XKR9: variants seen among roughly 807,000 people sequenced by gnomAD.
XKR9 encodes XK related 9, also known as XK-related protein 9.
A neutral mutation model predicts 32.0 loss-of-function variants in XKR9; 32 were observed. That is an observed-to-expected ratio of 1.00 (90% confidence interval 0.76 to 1.34). The LOEUF (loss-of-function observed/expected upper bound fraction) is 1.34. Ranked by LOEUF, XKR9 falls within the 40% of genes most tolerant of loss-of-function variation. XKR9 has a pLI of 0.00. For missense variants in XKR9, 546 were observed against 429.7 expected, an observed-to-expected ratio of 1.27 and a Z score of -2.39; for synonymous variants, 168 against 143.4, an observed-to-expected ratio of 1.17 and a Z score of -1.22.
the XKR9 span, among the ~76,000 whole-genome samples, chr8:70,925,914 A>G: frequency 7.9e-5 from 12 of 152,350 alleles, no homozygotes; most frequent in African/African-American, 2.9e-4. Context: ...GATTGGAGGC[A>G]CTAATTTCAG....
At chr8:71,031,251 A>T in the XKR9 span, among the ~76,000 whole-genome samples, 1 of 152,162 alleles carries the variant, frequency 6.6e-6, no homozygotes, top group Non-Finnish European at 1.5e-5. Flanking sequence ...TTTATAATGG[A>T]TTTTTATAAT....
chr8:70,904,585 C>A, the XKR9 span, among the ~76,000 whole-genome samples: 3 of 152,116 alleles, frequency 2.0e-5, no homozygotes, highest in African/African-American at 7.2e-5. Flanking sequence ...ATTTGCCAGT[C>A]TGTGTTTTTT....
the XKR9 span, among the ~76,000 whole-genome samples, chr8:70,867,198 G>A: frequency 1.3e-5 from 2 of 152,128 alleles, no homozygotes; most frequent in Non-Finnish European, 2.9e-5. Flanking sequence ...ACTTGTGCAG[G>A]CAAACTCTGC....
chr8:70,918,807 T>TCCAC, the XKR9 span, among the ~76,000 whole-genome samples: 5 of 120,546 alleles, frequency 4.1e-5, no homozygotes, highest in Admixed American at 4.5e-4. Context: ...AGATGGAGTC[T>TCCAC]TGCTCTGTCG....
At chr8:70,757,774 A>G (rs1807249193) in intron 2 of XKR9, among the ~76,000 whole-genome samples, 1 of 152,002 alleles carries the variant, frequency 6.6e-6, no homozygotes, top group Admixed American at 6.6e-5. Context: ...TTTAGTAGAG[A>G]CAGGATTTCG....
At chr8:70,807,900 G>A in the XKR9 span, among the ~76,000 whole-genome samples, 1 of 152,068 alleles carries the variant, frequency 6.6e-6, no homozygotes, top group Admixed American at 6.6e-5. Flanking sequence ...ACTCAGCTCT[G>A]GATCAAGTGG....
the XKR9 span, among the ~76,000 whole-genome samples, chr8:70,836,936 C>A: frequency 6.6e-6 from 1 of 151,972 alleles, no homozygotes; most frequent in Non-Finnish European, 1.5e-5. Context: ...ACATTGTATA[C>A]ATTATTTTGT....
chr8:70,923,671 C>G, the XKR9 span, among the ~76,000 whole-genome samples: 13 of 152,200 alleles, frequency 8.5e-5, no homozygotes, highest in Non-Finnish European at 1.6e-4. Context: ...TGACATACTT[C>G]CCATCATGTG....
the XKR9 span, among the ~76,000 whole-genome samples, chr8:70,982,937 A>G: frequency 6.6e-6 from 1 of 152,288 alleles, no homozygotes; most frequent in Middle Eastern, 3.4e-3. Context: ...CTATGTGTCA[A>G]TATAATTCTG....
the XKR9 span, among the ~76,000 whole-genome samples, chr8:70,816,793 T>C: frequency 6.6e-6 from 1 of 152,132 alleles, no homozygotes; most frequent in East Asian, 1.9e-4. Context: ...TAGGCTTCAT[T>C]CCTGGGATGC....
rs904161785 is a variant in XKR9 at position 70,759,782 on chromosome 8, C to T, written n.353-29557C>T. ...ATTTATGAACCCATAACTGGGGTTC[C>T]AATAAACATTTGTCAAAATAATGTA... On this transcript the variant is annotated intron_variant and non_coding_transcript_variant, in intron 2 of 3. Coordinates refer to the XKR9 transcript ENST00000520273. 2.0e-5 allele frequency among the ~76,000 whole-genome samples: 3 copies of T among 152,164 alleles called. No individual in the cohort carries two copies. In the East Asian group the frequency reaches 5.8e-4, roughly 29 times the overall value.
chr8:70,871,212 A>T, the XKR9 span, among the ~76,000 whole-genome samples: 1 of 152,220 alleles, frequency 6.6e-6, no homozygotes, highest in Admixed American at 6.6e-5. Flanking sequence ...TTCAATCAAT[A>T]TTATTAAATT....
chr8:70,960,996 C>A, the XKR9 span, among the ~76,000 whole-genome samples: 1 of 152,200 alleles, frequency 6.6e-6, no homozygotes, highest in Admixed American at 6.5e-5. Flanking sequence ...ATGGCGAAAC[C>A]CTGTCTCTAC....
At chr8:70,830,568 C>T in the XKR9 span, among the ~76,000 whole-genome samples, 1 of 152,248 alleles carries the variant, frequency 6.6e-6, no homozygotes, top group Middle Eastern at 3.4e-3. Flanking sequence ...GCCTGGGCGA[C>T]AGAACGAGAC....
downstream of XKR9, among the ~76,000 whole-genome samples, chr8:70,738,293 T>A (rs1455137496): frequency 4.2e-5 from 6 of 144,406 alleles, no homozygotes; most frequent in Admixed American, 4.1e-4. Context: ...GTAGTTTGTA[T>A]TTCTGTGGGA....
At chr8:70,701,607 A>G (rs1025976293) in intron 3 of XKR9, among the ~76,000 whole-genome samples, 3 of 152,190 alleles carry the variant, frequency 2.0e-5, no homozygotes, top group Non-Finnish European at 4.4e-5. Context: ...AAATTAGAAC[A>G]GTTCATAAAA....
intron 3 of XKR9, among the ~76,000 whole-genome samples, chr8:70,704,800 G>T (rs1805663389): frequency 6.6e-6 from 1 of 152,132 alleles, no homozygotes; most frequent in South Asian, 2.1e-4. Context: ...CCCAGAAAAG[G>T]CTAAAACACG....
intron 4 of XKR9, among the ~76,000 whole-genome samples, chr8:70,732,000 A>AAGTC (rs1385963107): frequency 6.6e-6 from 1 of 152,192 alleles, no homozygotes; most frequent in African/African-American, 2.4e-5. Context: ...GATTAAGGAG[A>AAGTC]AGTCTCCTGA....
At chr8:70,832,139 T>C in the XKR9 span, among the ~76,000 whole-genome samples, 1 of 152,314 alleles carries the variant, frequency 6.6e-6, no homozygotes, top group East Asian at 1.9e-4. Context: ...ATTTCCTTTT[T>C]ATAAATGAAT....
Sources: allele counts gnomAD v4.1 joint callset (sites outside exome capture counted in the v4.1 genomes callset), GRCh38; gene constraint gnomAD v4.1.1; transcripts MANE v1.5; gene names NCBI Gene and HGNC (gene_info 2026-07-23, HGNC 2026-07-21).